The following KIF6 variants were observed in gnomAD, a reference collection of about 807,000 sequenced individuals.
KIF6 encodes the protein kinesin-like protein KIF6.
Under a neutral mutation model 112.7 loss-of-function variants are expected in KIF6, and 106 were observed. The ratio of observed to expected loss-of-function variants is 0.94; its 90% CI spans 0.80 to 1.11. The LOEUF is 1.11. Ranked by LOEUF, KIF6 falls within the 50% of genes least tolerant of loss-of-function variation. The probability of loss-of-function intolerance (pLI) is 0.00; values close to 1 mark genes in which losing one functional copy is unlikely to be tolerated. For synonymous variants in KIF6, 339 were observed against 339.9 expected (o/e 1.00, Z 0.03); for missense variants, 929 against 964.0 (o/e 0.96, Z 0.48).
chr6:39,420,597 C>A (rs1461245180), intron 14 of KIF6, among the ~76,000 whole-genome samples: 1 of 152,168 alleles, frequency 6.6e-6, no homozygotes, highest in African/African-American at 2.4e-5. Flanking sequence ...TTCTACCTCA[C>A]CCTTTATAGA....
chr6:39,583,628 G>A (rs575189319), intron 9 of KIF6: 1 of 218,262 alleles, frequency 4.6e-6, no homozygotes, highest in Non-Finnish European at 1.0e-5. Context: ...GTTTTTTTTT[G>A]ATTTGAGAAA....
rs551456081 is a variant in KIF6, at chr6:39,654,033, T to C, written c.252-14276A>G. ...CCTTGTTGTTTTCACCACAGCACTATAGGACGTGGGGGCCTATGTAATGGC... is the reference window on the plus strand; with the variant it reads ...CCTTGTTGTTTTCACCACAGCACTACAGGACGTGGGGGCCTATGTAATGGC... On this transcript the variant is annotated intron_variant, in intron 3 of 22. Transcript: ENST00000287152. Among the ~76,000 whole-genome samples the C allele has an allele frequency of 1.6e-4, 25 of 152,304 alleles. No individual in the cohort carries two copies. In the South Asian group the frequency reaches 4.6e-3, roughly 28 times the overall value.
Position 39,638,227 on chromosome 6 carries a change from C to T in KIF6, c.399+1383G>A, listed in dbSNP as rs202177141. On this transcript the variant is annotated intron_variant, in intron 4 of 22. Transcript: ENST00000287152. ...CTGTGTGCAAGAATCTGGACAATAT[C>T]TTTAAATACAGTATGTTCAGCCCCT... Among the ~76,000 whole-genome samples, 89 of 152,150 alleles carry T rather than the reference C, an allele frequency of 5.8e-4. 4 individuals carry two copies. In the South Asian group the frequency reaches 8.1e-3, roughly 14 times the overall value.
At chr6:39,505,432 T>C (rs1470883890) in intron 13 of KIF6, among the ~76,000 whole-genome samples, 2 of 152,184 alleles carry the variant, frequency 1.3e-5, no homozygotes, top group African/African-American at 4.8e-5. Context: ...ATTCAGGACA[T>C]AGGCATTGGT....
chr6:39,648,186 G>T (rs1282987487), intron 3 of KIF6, among the ~76,000 whole-genome samples: 1 of 121,340 alleles, frequency 8.2e-6, no homozygotes, highest in Non-Finnish European at 1.6e-5. Context: ...ACCATGCCTG[G>T]CTAATTTTTG....
intron 15 of KIF6, among the ~76,000 whole-genome samples, chr6:39,415,536 T>G (rs1348680076): frequency 6.6e-6 from 1 of 152,202 alleles, no homozygotes; most frequent in African/African-American, 2.4e-5. Flanking sequence ...ACTGCTGGTG[T>G]TGTCCTTGTA....
chr6:39,491,285 A>G (rs1243034309), intron 13 of KIF6, among the ~76,000 whole-genome samples: 2 of 152,080 alleles, frequency 1.3e-5, no homozygotes, highest in Non-Finnish European at 2.9e-5. Flanking sequence ...ACGCTCACAC[A>G]GAGAACACAT....
chr6:39,682,349 G>A (rs1787573250), intron 3 of KIF6, among the ~76,000 whole-genome samples: 1 of 152,186 alleles, frequency 6.6e-6, no homozygotes, highest in Non-Finnish European at 1.5e-5. Context: ...ACAAACATGT[G>A]CAGGATGTTA....
intron 3 of KIF6, among the ~76,000 whole-genome samples, chr6:39,650,665 A>G (rs2466411): frequency 0.54 from 81,818 of 151,776 alleles, 25,271 homozygotes; most frequent in African/African-American, 0.85. Flanking sequence ...ATTTTCAGAT[A>G]ACCATCTAAG....
chr6:39,478,961 T>G (rs1257960360), intron 13 of KIF6, among the ~76,000 whole-genome samples: 1 of 152,102 alleles, frequency 6.6e-6, no homozygotes, highest in Admixed American at 6.6e-5. Context: ...TTTTTTTTCT[T>G]GCTAATTTCT....
At chr6:39,544,938 G>A (rs1778988495) in intron 11 of KIF6, among the ~76,000 whole-genome samples, 1 of 151,894 alleles carries the variant, frequency 6.6e-6, no homozygotes, top group Non-Finnish European at 1.5e-5. Flanking sequence ...TCCCTAAATT[G>A]GGAAATGCCT....
chr6:39,395,825 C>A (rs1021306768), intron 15 of KIF6, among the ~76,000 whole-genome samples: 1 of 152,136 alleles, frequency 6.6e-6, no homozygotes, highest in Non-Finnish European at 1.5e-5. Context: ...AGGTAGAGGG[C>A]AGGTTCACTG....
At chr6:39,455,678 A>T (rs1382889736) in intron 13 of KIF6, among the ~76,000 whole-genome samples, 1 of 150,286 alleles carries the variant, frequency 6.7e-6, no homozygotes, top group Non-Finnish European at 1.5e-5. Flanking sequence ...TGCTTAAAGG[A>T]GCTGATGGAG....
intron 10 of KIF6, 30 bp downstream of exon 10, chr6:39,578,026 A>G: frequency 6.8e-7 from 1 of 1,472,124 alleles, no homozygotes; most frequent in Non-Finnish European, 9.4e-7. Context: ...TCACTGTTAA[A>G]GAAAAAGAAA....
intron 13 of KIF6, among the ~76,000 whole-genome samples, chr6:39,497,345 G>C (rs1201814150): frequency 6.6e-6 from 1 of 152,192 alleles, no homozygotes; most frequent in African/African-American, 2.4e-5. Flanking sequence ...GTCAAATAGA[G>C]AAGTCAATGC....
At chr6:39,375,915 C>T (rs114984978) in intron 16 of KIF6, among the ~76,000 whole-genome samples, 1,584 of 152,346 alleles carry the variant, frequency 0.01, 30 homozygotes, top group African/African-American at 0.036. Flanking sequence ...GAGTCTTCCT[C>T]TGCCCTCCAG....
chr6:39,639,950 T>C (rs1051926920), intron 3 of KIF6, among the ~76,000 whole-genome samples, 193 bp from the exon 4 acceptor site: 3 of 152,154 alleles, frequency 2.0e-5, no homozygotes, highest in African/African-American at 7.2e-5. Flanking sequence ...ACATCAATCC[T>C]GTTCTCTAAG....
At chr6:39,451,073 C>T (rs1232075660) in intron 13 of KIF6, among the ~76,000 whole-genome samples, 1 of 152,094 alleles carries the variant, frequency 6.6e-6, no homozygotes, top group Non-Finnish European at 1.5e-5. Flanking sequence ...TATATATACA[C>T]TATGCAAATA....
chr6:39,673,617 A>G (rs2150835546), intron 3 of KIF6, among the ~76,000 whole-genome samples: 1 of 152,356 alleles, frequency 6.6e-6, no homozygotes, highest in South Asian at 2.1e-4. Flanking sequence ...GTCAGAAGAA[A>G]TGGGAAATAT....
Sources: allele counts gnomAD v4.1 joint callset (sites outside exome capture counted in the v4.1 genomes callset), GRCh38; gene constraint gnomAD v4.1.1; transcripts MANE v1.5; gene names NCBI Gene and HGNC (gene_info 2026-07-23, HGNC 2026-07-21).